Variants in ITSN2 observed in about 807,000 individuals in gnomAD.
ITSN2 encodes the protein intersectin 2, also known as intersectin-2.
A neutral mutation model predicts 243.7 loss-of-function variants in ITSN2; 156 were observed. That is an observed-to-expected ratio of 0.64 (90% CI 0.56 to 0.73). The LOEUF (loss-of-function observed/expected upper bound fraction) is 0.73, where lower values mean the gene tolerates loss of function less well. Ranked by LOEUF, ITSN2 falls within the 30% of genes least tolerant of loss-of-function variation. The pLI is 0.00. For synonymous variants in ITSN2, 703 were observed against 699.9 expected, an observed-to-expected ratio of 1.00 and a Z score of -0.07; for missense variants, 1,801 against 1,996.1, an observed-to-expected ratio of 0.90 and a Z score of 1.86.
chr2:24,313,334 C>A, intron 4 of ITSN2, 126 bp downstream of exon 4: 1 of 695,630 alleles, frequency 1.4e-6, no homozygotes, highest in South Asian at 2.0e-5. Flanking sequence ...CTCAGACTCC[C>A]AAAGTGCTGG....
chr2:24,204,418 C>A lies in ITSN2; in HGVS notation c.4763G>T (p.Gly1588Val), dbSNP rs372764786. ...ATELKACKPN[G>V]KSNPYCEISM... ...GATTTCACAGTATGGGTTGCTCTTTCCTGAACAAAAACAAACCACAGACAC... is the reference window on the plus strand; with the variant it reads ...GATTTCACAGTATGGGTTGCTCTTTACTGAACAAAAACAAACCACAGACAC... The change falls in exon 39 of 40, where the codon GGA becomes GTA. Residue 1588 changes from glycine to valine, a missense_variant and splice_region_variant. Gly to Val is a moderately radical substitution (Grantham distance 109). Around this residue, in one of 5 missense-constraint regions of ITSN2, gnomAD observed 928 missense variants for 1,065.4 expected, o/e 0.87. Transcript: ENST00000355123. The surrounding 1 kb of genome is among the most constrained non-coding windows in gnomAD (Gnocchi z 5.1). The A allele has an allele frequency of 6.2e-7, 1 of 1,614,112 alleles. No individual in the cohort carries two copies. The highest frequency in any genetic ancestry group is 1.7e-5 in the Admixed American group (1 of 60,018).
Position 24,217,925 on chromosome 2 carries a change from G to C in ITSN2, c.3788C>G (p.Ser1263Cys), listed in dbSNP as rs752516358. 29 of 1,613,100 alleles carry C rather than the reference G, an allele frequency of 1.8e-5. No homozygotes were observed. Among genetic ancestry groups the C allele is most frequent in the Non-Finnish European group, 2.2e-5 (26 of 1,179,182 alleles). ...IFVNWKELIMSNTKLLKALRV... is the reference protein window; with the variant it reads ...IFVNWKELIMCNTKLLKALRV... ...GACTCACTTCAGCAGCTTTGTGTTG[G>C]ACATGATGAGCTCCTTCCAGTTAAC... The change falls in exon 31 of 40, where the codon TCC (serine) becomes TGC (cysteine). Residue 1263 changes from serine (S) to cysteine (C), a missense_variant. Ser to Cys is a moderately radical substitution (Grantham distance 112). Coordinates refer to ENST00000355123, the MANE Select transcript of ITSN2 (RefSeq NM_006277.3).
At chr2:24,222,739 A>C (rs1266012998) in intron 29 of ITSN2, among the ~76,000 whole-genome samples, 1 of 148,450 alleles carries the variant, frequency 6.7e-6, no homozygotes, top group African/African-American at 2.5e-5. Context: ...CAATGGCGCA[A>C]ATCTCGGCTC....
rs763941340 is a variant in ITSN2 at position 24,301,173 on chromosome 2, C to A, written c.1062G>T (p.Glu354Asp). 1.9e-6 allele frequency: 3 copies of A among 1,604,116 alleles called. No individual in the cohort carries two copies. In the African/African-American group the frequency reaches 4.0e-5, roughly 21 times the overall value. ...LPSYQKMQEE[E>D]PQKKLPVTFE... is the part of the protein sequence containing the mutation. Reference sequence around the variant, plus strand: ...TGATACCTGGTAATTTCTTCTGAGGCTCCTCTTCTTGCATTTTCTGATATG... The same window carrying A: ...TGATACCTGGTAATTTCTTCTGAGGATCCTCTTCTTGCATTTTCTGATATG... Residue 354 changes from glutamate (E) to aspartate (D), a missense_variant, in exon 11 of 40, where the codon GAG becomes GAT. Coordinates refer to ENST00000355123, the MANE Select transcript of ITSN2 (RefSeq NM_006277.3).
intron 1 of ITSN2, among the ~76,000 whole-genome samples, chr2:24,358,766 A>G (rs1285707518): frequency 6.6e-6 from 1 of 152,180 alleles, no homozygotes; most frequent in African/African-American, 2.4e-5. Context: ...TATTAATCCA[A>G]TCCCCAAAAC....
chr2:24,252,667 G>A lies in ITSN2; in HGVS notation c.2954-156C>T, dbSNP rs535363419. Reference sequence around the variant, plus strand: ...ATAAAAAGATCTAAAGGTAGAAAAAGGAACGAAGCAATTATTTAATAATTC... The same window carrying A: ...ATAAAAAGATCTAAAGGTAGAAAAAAGAACGAAGCAATTATTTAATAATTC... On this transcript the variant is annotated intron_variant, in intron 24 of 39. Coordinates refer to ENST00000355123, the MANE Select transcript of ITSN2 (RefSeq NM_006277.3). 2.0e-5 allele frequency among the ~76,000 whole-genome samples: 3 copies of A among 152,196 alleles called. No homozygotes were observed. In the South Asian group the frequency reaches 6.2e-4, roughly 32 times the overall value.
At chr2:24,302,594 T>C (rs1377138644) in intron 9 of ITSN2, among the ~76,000 whole-genome samples, 4 of 152,332 alleles carry the variant, frequency 2.6e-5, no homozygotes, top group South Asian at 2.1e-4. Context: ...TAACTCACTA[T>C]TGAATGTAAG....
At chr2:24,344,871 G>A (rs1223894779) in intron 1 of ITSN2, among the ~76,000 whole-genome samples, 1 of 152,204 alleles carries the variant, frequency 6.6e-6, no homozygotes, top group Non-Finnish European at 1.5e-5. Flanking sequence ...ACAATCGCTT[G>A]AATCTGAGAG....
chr2:24,301,855 T>C, intron 10 of ITSN2, 110 bp downstream of exon 10: 1 of 1,068,044 alleles, frequency 9.4e-7, no homozygotes, highest in East Asian at 2.9e-5. Context: ...CCTTTTCAAG[T>C]ATAACTTGTT....
rs376092794 is a variant in ITSN2, at chr2:24,295,829, T to C, written c.1495-25A>G. 91 of 1,451,932 alleles carry C rather than the reference T, an allele frequency of 6.3e-5. No individual in the cohort carries two copies. The South Asian group carries it at 1.0e-3, about 16-fold the overall frequency. 89.9% of individuals were successfully genotyped at this position (1,451,932 alleles called of 1,614,324 possible). On this transcript the variant is annotated intron_variant, in intron 13 of 39. Transcript: ENST00000355123. ...TCTATAGGAAGATCATATAAATATATAGTAACATAAAATGCTAATAGAAAA... is the reference window on the plus strand; with the variant it reads ...TCTATAGGAAGATCATATAAATATACAGTAACATAAAATGCTAATAGAAAA...
At position 24,205,248 on chromosome 2, in the gene ITSN2, A is replaced by G. The variant is rs750255829; in HGVS notation, c.4728T>C (p.Ile1576=). Residue 1576 remains isoleucine (I), a synonymous_variant, in exon 38 of 40, where the codon ATT becomes ATC. Transcript: ENST00000355123. The part of the protein sequence containing the change: ...SGIGRLMVHV[I]EATELKACKP... Reference sequence around the variant, plus strand: ...TGCAGGCTTTTAATTCTGTAGCTTCAATGACATGCACCATCAGGCGCCCAA... The same window carrying G: ...TGCAGGCTTTTAATTCTGTAGCTTCGATGACATGCACCATCAGGCGCCCAA... 35 of 1,613,878 alleles carry G rather than the reference A, an allele frequency of 2.2e-5. No homozygotes were observed. In the Middle Eastern group the frequency reaches 4.9e-4, roughly 23 times the overall value.
chr2:24,265,887 A>T (rs1216232269), intron 20 of ITSN2, among the ~76,000 whole-genome samples: 1 of 152,204 alleles, frequency 6.6e-6, no homozygotes, highest in Non-Finnish European at 1.5e-5. Flanking sequence ...TACAGACTTG[A>T]GAGTTAAAAG....
At chr2:24,304,535 G>A (rs1330003034) in intron 8 of ITSN2, among the ~76,000 whole-genome samples, 1 of 151,844 alleles carries the variant, frequency 6.6e-6, no homozygotes, top group Non-Finnish European at 1.5e-5. Context: ...TAAAAACACT[G>A]GAAATTAAAC....
chr2:24,270,793 T>C, intron 19 of ITSN2, 25 bp from the exon 20 acceptor site: 2 of 1,268,056 alleles, frequency 1.6e-6, no homozygotes, highest in Non-Finnish European at 2.3e-6. Context: ...ATTGTCATTA[T>C]TTGCAACTTA....
At chr2:24,318,307 G>A (rs1684160595) in intron 2 of ITSN2, among the ~76,000 whole-genome samples, 1 of 152,122 alleles carries the variant, frequency 6.6e-6, no homozygotes, top group Admixed American at 6.5e-5. Flanking sequence ...GACTACAGCT[G>A]GCTAATTTTT....
intron 17 of ITSN2, among the ~76,000 whole-genome samples, chr2:24,278,764 G>A (rs1678371756): frequency 6.7e-6 from 1 of 148,542 alleles, no homozygotes; most frequent in South Asian, 2.1e-4. Flanking sequence ...CAATTCTCCT[G>A]CCTCAGCCTC....
chr2:24,329,599 G>C (rs763193602), intron 1 of ITSN2, among the ~76,000 whole-genome samples: 11 of 152,136 alleles, frequency 7.2e-5, no homozygotes, highest in Non-Finnish European at 1.6e-4. Flanking sequence ...GGACCAGTTA[G>C]GAAGTGAAGG....
At chr2:24,284,187 T>C (rs1448222852) in intron 17 of ITSN2, among the ~76,000 whole-genome samples, 2 of 152,226 alleles carry the variant, frequency 1.3e-5, no homozygotes, top group Admixed American at 1.3e-4. Context: ...ACGTTATACA[T>C]GGCAAAGAGA....
intron 32 of ITSN2, among the ~76,000 whole-genome samples, chr2:24,213,489 G>GC (rs1422021148): frequency 6.6e-6 from 1 of 152,030 alleles, no homozygotes; most frequent in African/African-American, 2.4e-5. Context: ...TATTTAAATT[G>GC]CCCCCCTTTT....
Sources: allele counts gnomAD v4.1 joint callset (sites outside exome capture counted in the v4.1 genomes callset), GRCh38; gene constraint gnomAD v4.1.1; regional missense constraint gnomAD v4.1.1; non-coding constraint Gnocchi (gnomAD v3.1); transcripts MANE v1.5; gene names NCBI Gene and HGNC (gene_info 2026-07-23, HGNC 2026-07-21).